The following CELF2 variants were observed in gnomAD, a reference collection of about 807,000 sequenced individuals.
CELF2 encodes CUGBP Elav-like family member 2.
Under a neutral mutation model 62.6 loss-of-function variants are expected in CELF2, and 8 were observed. The observed-to-expected ratio is 0.13, with a 90% CI of 0.07 to 0.23. The LOEUF (loss-of-function observed/expected upper bound fraction) is 0.23, where lower values mean the gene tolerates loss of function less well. Among genes scored for constraint, CELF2 ranks in the 10% least tolerant of loss-of-function variants. The probability of loss-of-function intolerance (pLI) is 1.00; values close to 1 mark genes in which losing one functional copy is unlikely to be tolerated. For missense variants in CELF2, 333 were observed against 671.0 expected (o/e 0.50, Z 5.56); for synonymous variants, 258 against 250.0 (o/e 1.03, Z -0.30).
chr10:10,991,407 G>T (rs889125462), intron 2 of CELF2, among the ~76,000 whole-genome samples: 3 of 152,158 alleles, frequency 2.0e-5, no homozygotes, highest in Non-Finnish European at 4.4e-5. Context: ...GGATGATCCT[G>T]CTGAGAAGAC....
chr10:10,564,562 C>A, the CELF2 span, among the ~76,000 whole-genome samples: 1 of 151,444 alleles, frequency 6.6e-6, no homozygotes, highest in Non-Finnish European at 1.5e-5. Context: ...TTCATCACCT[C>A]TTTACCCTTT....
At chr10:10,641,440 G>T in the CELF2 span, among the ~76,000 whole-genome samples, 31 of 151,232 alleles carry the variant, frequency 2.0e-4, no homozygotes, top group African/African-American at 6.8e-4. Flanking sequence ...GTTTTTTTTT[G>T]TTTTCTTTTG....
At chr10:11,168,027 T>C (rs1027480551) in intron 2 of CELF2, among the ~76,000 whole-genome samples, 5 of 152,224 alleles carry the variant, frequency 3.3e-5, no homozygotes, top group Non-Finnish European at 5.9e-5. Flanking sequence ...CCTGGTGTGC[T>C]GTGTTTCAGG....
chr10:11,100,191 G>A lies in CELF2; in HGVS notation c.75-65295G>A, dbSNP rs531969342. ...TGCACTCCAGCCTGGGTGACAGAGC[G>A]AGACTCTGTCTCAAAATAAATAAAT... is the stretch of plus-strand genomic sequence containing the variant. On this transcript the variant is annotated intron_variant, in intron 1 of 12. Coordinates refer to ENST00000633077, the MANE Select transcript of CELF2 (RefSeq NM_001326342.2). 4.2e-4 allele frequency among the ~76,000 whole-genome samples: 64 copies of A among 151,960 alleles called. No homozygotes were observed. The South Asian group carries it at 0.01, about 24-fold the overall frequency.
At chr10:11,325,790 T>G (rs1170165765) in intron 11 of CELF2, 46 bp from the exon 12 acceptor site, 2 of 1,555,178 alleles carry the variant, frequency 1.3e-6, no homozygotes, top group South Asian at 1.2e-5. Context: ...CTTTGGAAAC[T>G]AAGACTCAAG....
At chr10:10,773,991 C>T in the CELF2 span, among the ~76,000 whole-genome samples, 1 of 152,186 alleles carries the variant, frequency 6.6e-6, no homozygotes, top group African/African-American at 2.4e-5. Flanking sequence ...AAAACAATTC[C>T]CCACCACTTC....
the CELF2 span, among the ~76,000 whole-genome samples, chr10:10,780,523 C>A: frequency 6.6e-6 from 1 of 152,146 alleles, no homozygotes; most frequent in Non-Finnish European, 1.5e-5. Context: ...GCTCTGTTGC[C>A]TGGCTGGAGT....
rs528267316 is a variant in CELF2 at position 11,299,356 on chromosome 10, C to T, written c.976+10804C>T. 5.9e-5 allele frequency among the ~76,000 whole-genome samples: 9 copies of T among 152,250 alleles called. No homozygotes were observed. In the South Asian group the frequency reaches 6.2e-4, roughly 11 times the overall value. On this transcript the variant is annotated intron_variant, in intron 9 of 12. Coordinates refer to ENST00000633077, the MANE Select transcript of CELF2 (RefSeq NM_001326342.2). ...GCCCTGCTGTGACGTCCCTGGGCTG[C>T]GCCAGGTGACCTCTTGCCCCCTGCT...
the CELF2 span, among the ~76,000 whole-genome samples, chr10:10,774,051 C>T: frequency 2.8e-4 from 42 of 152,322 alleles, no homozygotes; most frequent in African/African-American, 8.7e-4. Context: ...AAGATTGTTG[C>T]TGCTGGAGAC....
chr10:10,741,290 A>T, the CELF2 span, among the ~76,000 whole-genome samples: 1 of 152,054 alleles, frequency 6.6e-6, no homozygotes, highest in Non-Finnish European at 1.5e-5. Flanking sequence ...AGGCAGGCAG[A>T]TCACGATGTC....
rs148143322 is a variant in CELF2 at position 11,158,836 on chromosome 10, C to T, written c.75-6650C>T. Among the ~76,000 whole-genome samples, 42 of 152,272 alleles carry T rather than the reference C, an allele frequency of 2.8e-4. 1 individual carries two copies. The East Asian group carries it at 7.0e-3, about 25-fold the overall frequency. On this transcript the variant is annotated intron_variant, in intron 1 of 12. Coordinates refer to ENST00000633077, the MANE Select transcript of CELF2 (RefSeq NM_001326342.2). The stretch of plus-strand genomic sequence containing the variant: ...CCTTTGGTAATCCAGCATAATGTCC[C>T]CAAGAACACAAATGTGTTATTTCTT...
intron 1 of CELF2, among the ~76,000 whole-genome samples, chr10:11,067,049 A>G (rs539529648): frequency 2.6e-5 from 4 of 152,276 alleles, no homozygotes; most frequent in African/African-American, 9.6e-5. Context: ...TTCACTCTCA[A>G]TTCCCTCCAT....
intron 9 of CELF2, among the ~76,000 whole-genome samples, chr10:11,289,974 C>G (rs1442005455): frequency 2.0e-5 from 3 of 152,006 alleles, no homozygotes; most frequent in Non-Finnish European, 4.4e-5. Flanking sequence ...TTTTTCTCCC[C>G]TGTGAGCACT....
At chr10:10,680,509 A>G in the CELF2 span, among the ~76,000 whole-genome samples, 1 of 152,324 alleles carries the variant, frequency 6.6e-6, no homozygotes, top group African/African-American at 2.4e-5. Flanking sequence ...AACATGATGT[A>G]TGACAATTTG....
the CELF2 span, among the ~76,000 whole-genome samples, chr10:10,589,005 C>T: frequency 6.6e-6 from 1 of 152,152 alleles, no homozygotes; most frequent in African/African-American, 2.4e-5. Context: ...TAATGACATA[C>T]CTGTGACACA....
intron 2 of CELF2, among the ~76,000 whole-genome samples, chr10:11,205,450 A>G (rs1200728437): frequency 6.6e-6 from 1 of 152,138 alleles, no homozygotes; most frequent in Non-Finnish European, 1.5e-5. Flanking sequence ...TTTACTAAGC[A>G]CTCTTATTTA....
chr10:10,463,701 C>G, the CELF2 span, among the ~76,000 whole-genome samples: 2 of 152,148 alleles, frequency 1.3e-5, no homozygotes, highest in African/African-American at 2.4e-5. Flanking sequence ...TTAGGCTTGT[C>G]AATGAGTCTG....
the CELF2 span, among the ~76,000 whole-genome samples, chr10:10,716,916 A>C: frequency 6.6e-6 from 1 of 152,214 alleles, no homozygotes; most frequent in Non-Finnish European, 1.5e-5. Context: ...TAACTAATCA[A>C]TACCAGTGAA....
chr10:11,265,213 G>T (rs2081867130), intron 5 of CELF2, among the ~76,000 whole-genome samples: 1 of 152,196 alleles, frequency 6.6e-6, no homozygotes, highest in South Asian at 2.1e-4. Flanking sequence ...TTTGAATGCA[G>T]AATATTCTAT....
Sources: gnomAD v4.1 joint callset for allele counts (sites outside exome capture counted in the v4.1 genomes callset) on GRCh38, gnomAD v4.1.1 for gene constraint, MANE v1.5 for transcripts, NCBI Gene and HGNC (gene_info 2026-07-23, HGNC 2026-07-21) for gene names.